The following ZFHX3 variants were observed in gnomAD, a reference collection of about 807,000 sequenced individuals.
ZFHX3 encodes zinc finger homeobox protein 3.
In ZFHX3, 42 loss-of-function variants were observed where a neutral mutation model predicts 279.1. The observed-to-expected ratio is 0.15, with a 90% confidence interval of 0.12 to 0.19. The LOEUF (loss-of-function observed/expected upper bound fraction) is 0.19. Ranked by LOEUF, ZFHX3 falls within the 10% of genes least tolerant of loss-of-function variation. The pLI is 1.00. For synonymous variants in ZFHX3, 2,293 were observed against 1,957.8 expected (o/e 1.17, Z -4.52); for missense variants, 4,981 against 4,754.0 (o/e 1.05, Z -1.40).
At chr16:73,481,048 G>A (rs952395112) in intron 2 of ZFHX3, among the ~76,000 whole-genome samples, 13 of 152,058 alleles carry the variant, frequency 8.5e-5, no homozygotes, top group East Asian at 5.8e-4. Context: ...CCTAAATCCC[G>A]GGCTGGGTGT....
At chr16:73,193,573 T>C (rs1188789913) in intron 5 of ZFHX3, among the ~76,000 whole-genome samples, 4 of 152,190 alleles carry the variant, frequency 2.6e-5, no homozygotes, top group African/African-American at 9.7e-5. Context: ...GTATATATTA[T>C]CTGACTCACT....
intron 1 of ZFHX3, among the ~76,000 whole-genome samples, chr16:73,790,243 A>G (rs193236324): frequency 5.9e-5 from 9 of 152,222 alleles, no homozygotes; most frequent in Admixed American, 2.6e-4. Context: ...TGAAACATCA[A>G]AAGGGGATAA....
chr16:73,463,646 C>T (rs1426236628), intron 2 of ZFHX3, among the ~76,000 whole-genome samples: 1 of 152,156 alleles, frequency 6.6e-6, no homozygotes, highest in Non-Finnish European at 1.5e-5. Flanking sequence ...CCCCCACCTT[C>T]CTATCACCTT....
intron 1 of ZFHX3, among the ~76,000 whole-genome samples, chr16:73,889,896 C>CCATTTAAAGTCCTTAA (rs1303842841): frequency 6.6e-6 from 1 of 152,130 alleles, no homozygotes; most frequent in Non-Finnish European, 1.5e-5. Context: ...ATTAGGAAAT[C>CCATTTAAAGTCCTTAA]CATTTAAAGT....
chr16:73,228,351 T>G (rs1405042576), intron 5 of ZFHX3, among the ~76,000 whole-genome samples: 3 of 152,234 alleles, frequency 2.0e-5, no homozygotes, highest in African/African-American at 7.2e-5. Context: ...CCTAAAAGTT[T>G]ACTCTTAAAA....
chr16:72,810,677 C>T (rs185911782), intron 7 of ZFHX3, among the ~76,000 whole-genome samples: 45 of 152,280 alleles, frequency 3.0e-4, no homozygotes, highest in South Asian at 2.1e-3. Flanking sequence ...AAATGCAAAA[C>T]CCACATTCAC....
intron 1 of ZFHX3, among the ~76,000 whole-genome samples, chr16:73,695,243 T>G (rs2053186665): frequency 1.2e-4 from 2 of 16,618 alleles, no homozygotes; most frequent in Non-Finnish European, 3.8e-4. Context: ...TTTTTTTTTG[T>G]TTTTTTTTTT....
chr16:73,121,060 G>T (rs1374824422), intron 7 of ZFHX3, among the ~76,000 whole-genome samples: 2 of 152,078 alleles, frequency 1.3e-5, no homozygotes, highest in African/African-American at 4.8e-5. Context: ...CTTGAAATGT[G>T]GCTACTGCCA....
At chr16:72,894,292 T>C (rs963232274) in intron 3 of ZFHX3, among the ~76,000 whole-genome samples, 2 of 152,158 alleles carry the variant, frequency 1.3e-5, no homozygotes, top group East Asian at 3.8e-4. Flanking sequence ...CCCCAGATTT[T>C]CCAAGTGTCT....
At chr16:73,440,061 A>C (rs2018063219) in intron 3 of ZFHX3, among the ~76,000 whole-genome samples, 1 of 152,120 alleles carries the variant, frequency 6.6e-6, no homozygotes, top group Admixed American at 6.5e-5. Context: ...ATGGGAACTA[A>C]GTGAGGGTTC....
intron 1 of ZFHX3, among the ~76,000 whole-genome samples, chr16:72,988,559 G>A (rs1017109088): frequency 2.6e-5 from 4 of 152,098 alleles, no homozygotes; most frequent in Admixed American, 6.6e-5. Flanking sequence ...TTCAAATAAC[G>A]CGGATTTCTG....
chr16:73,002,283 GTCT>G (rs1161957796), intron 1 of ZFHX3, among the ~76,000 whole-genome samples: 4 of 152,104 alleles, frequency 2.6e-5, no homozygotes, highest in Non-Finnish European at 5.9e-5. Context: ...AGTAACTCTG[GTCT>G]TCTCTTTTGG....
intron 5 of ZFHX3, among the ~76,000 whole-genome samples, chr16:73,172,988 G>C (rs1219993296): frequency 4.3e-5 from 2 of 46,170 alleles, no homozygotes; most frequent in Non-Finnish European, 3.5e-5. Context: ...TGATGGGACT[G>C]TTTTTTTGTT....
chr16:72,980,615 A>C (rs958846146), intron 1 of ZFHX3, among the ~76,000 whole-genome samples: 14 of 143,908 alleles, frequency 9.7e-5, no homozygotes, highest in East Asian at 3.9e-4. Context: ...AAAAAAAAAA[A>C]ACAAAAACAG....
chr16:73,801,914 G>A (rs1429952667), intron 1 of ZFHX3, among the ~76,000 whole-genome samples: 1 of 152,096 alleles, frequency 6.6e-6, no homozygotes, highest in East Asian at 1.9e-4. Flanking sequence ...TCACATTCTG[G>A]CTTTCTCTAA....
intron 7 of ZFHX3, among the ~76,000 whole-genome samples, chr16:73,107,468 C>A (rs1221456491): frequency 6.6e-6 from 1 of 152,128 alleles, no homozygotes; most frequent in African/African-American, 2.4e-5. Flanking sequence ...TAAGCCCTTT[C>A]TTCTCAACCG....
chr16:73,211,511 A>C (rs1463296136), intron 5 of ZFHX3, among the ~76,000 whole-genome samples: 8 of 152,160 alleles, frequency 5.3e-5, no homozygotes. Context: ...TAAAAATACA[A>C]AGCACGGGGA....
intron 1 of ZFHX3, among the ~76,000 whole-genome samples, chr16:73,732,469 A>G (rs935420006): frequency 6.6e-6 from 1 of 152,234 alleles, no homozygotes; most frequent in Non-Finnish European, 1.5e-5. Flanking sequence ...ACAATTCCAG[A>G]TCACTCCTGC....
chr16:73,601,009 T>G (rs911216549), intron 2 of ZFHX3, among the ~76,000 whole-genome samples: 1 of 58,834 alleles, frequency 1.7e-5, no homozygotes, highest in Non-Finnish European at 4.0e-5. Flanking sequence ...CCTTTTTTGT[T>G]TCTCAAAAAA....
Sources: gnomAD v4.1 joint callset for allele counts (sites outside exome capture counted in the v4.1 genomes callset) on GRCh38, gnomAD v4.1.1 for gene constraint, MANE v1.5 for transcripts, NCBI Gene and HGNC (gene_info 2026-07-23, HGNC 2026-07-21) for gene names.